The following EYA4 variants were observed in gnomAD, a reference collection of about 807,000 sequenced individuals.
The protein encoded by EYA4 is EYA transcriptional coactivator and phosphatase 4, also known as protein phosphatase EYA4.
Under a neutral mutation model 87.9 loss-of-function variants are expected in EYA4, and 31 were observed. The ratio of observed to expected loss-of-function variants is 0.35; its 90% CI spans 0.27 to 0.48. The LOEUF is 0.48. Ranked by LOEUF, EYA4 falls within the 20% of genes least tolerant of loss-of-function variation. The probability of loss-of-function intolerance (pLI) is 0.99; values close to 1 mark genes in which losing one functional copy is unlikely to be tolerated. For synonymous variants in EYA4, 263 were observed against 270.6 expected, an observed-to-expected ratio of 0.97 and a Z score of 0.28; for missense variants, 678 against 761.4, an observed-to-expected ratio of 0.89 and a Z score of 1.29.
chr6:133,496,843 GT>G (rs1268221854), intron 13 of EYA4, among the ~76,000 whole-genome samples: 2 of 152,174 alleles, frequency 1.3e-5, no homozygotes, highest in Non-Finnish European at 2.9e-5. Flanking sequence ...AAAGGCAGAT[GT>G]TTTCAGACCT....
chr6:133,275,374 T>C (rs1777077718), intron 2 of EYA4, among the ~76,000 whole-genome samples: 1 of 152,142 alleles, frequency 6.6e-6, no homozygotes, highest in South Asian at 2.1e-4. Flanking sequence ...TCTGTGACAG[T>C]AGTTCTTTAG....
At chr6:133,242,987 G>T (rs532126627) in intron 1 of EYA4, among the ~76,000 whole-genome samples, 1 of 152,298 alleles carries the variant, frequency 6.6e-6, no homozygotes, top group South Asian at 2.1e-4. Flanking sequence ...TAACCTGAGG[G>T]CAGGGGAGGA....
At chr6:133,488,981 C>G (rs923130308) in intron 13 of EYA4, among the ~76,000 whole-genome samples, 3 of 152,112 alleles carry the variant, frequency 2.0e-5, no homozygotes, top group Non-Finnish European at 2.9e-5. Context: ...TTCAAAATAG[C>G]TTTTTTGAGG....
chr6:133,451,142 A>G (rs1274192294), intron 5 of EYA4, among the ~76,000 whole-genome samples: 1 of 152,236 alleles, frequency 6.6e-6, no homozygotes, highest in Non-Finnish European at 1.5e-5. Context: ...AAGCAGCCAT[A>G]TACAATACCT....
chr6:133,524,154 G>A (rs1800424877), intron 18 of EYA4, among the ~76,000 whole-genome samples: 2 of 152,120 alleles, frequency 1.3e-5, no homozygotes, highest in Non-Finnish European at 2.9e-5. Flanking sequence ...CTAAATGTGT[G>A]TATTTATGTC....
rs200309400 is a variant in EYA4, at chr6:133,512,777, A to G, written c.1338A>G (p.Leu446=). 40 of 1,612,924 alleles carry G rather than the reference A, an allele frequency of 2.5e-5. No individual in the cohort carries two copies. The highest frequency in any genetic ancestry group is 3.2e-5 in the Non-Finnish European group (38 of 1,178,848). The change falls in exon 15 of 20, where the codon TTA becomes TTG. Residue 446 remains leucine (L), a splice_region_variant and synonymous_variant. Transcript: ENST00000355286. Reference sequence around the variant, plus strand: ...CCTCTGATGATAATGGGCAGGACTTAAGGTAAGCTATGCCTTTCAGTATGC... The same window carrying G: ...CCTCTGATGATAATGGGCAGGACTTGAGGTAAGCTATGCCTTTCAGTATGC... ...DVSSDDNGQD[L]STYSFATDGF... is the part of the protein sequence containing the mutation.
chr6:133,396,864 C>T (rs912619089), intron 3 of EYA4, among the ~76,000 whole-genome samples: 3 of 152,140 alleles, frequency 2.0e-5, no homozygotes, highest in Non-Finnish European at 2.9e-5. Context: ...TGCCTTCTTC[C>T]AGATCTCAGT....
At chr6:133,456,038 T>C (rs1010907469) in intron 5 of EYA4, among the ~76,000 whole-genome samples, 2 of 152,198 alleles carry the variant, frequency 1.3e-5, no homozygotes, top group Non-Finnish European at 2.9e-5. Flanking sequence ...CAACACCTTA[T>C]AGCTCGTGAG....
rs553570769 is a variant in EYA4 at position 133,530,155 on chromosome 6, G to A, written c.*1350G>A. 3.0e-4 allele frequency: 295 copies of A among 985,348 alleles called. 1 individual carries two copies. In the South Asian group the frequency reaches 7.6e-3, roughly 25 times the overall value. The allele number at this position is 985,348 out of a possible 1,614,324, so 61.0% of individuals were successfully genotyped here. Reference sequence around the variant, plus strand: ...CATAAATTAAATTAGCAAGTGCGCTGGATCTTGGCAGCGCTGCTGAAATGA... The same window carrying A: ...CATAAATTAAATTAGCAAGTGCGCTAGATCTTGGCAGCGCTGCTGAAATGA... On this transcript the variant is annotated 3_prime_UTR_variant, in exon 20 of 20. Transcript: ENST00000355286.
At chr6:133,511,456 G>T (rs1357246226) in intron 14 of EYA4, among the ~76,000 whole-genome samples, 1 of 151,394 alleles carries the variant, frequency 6.6e-6, no homozygotes. Context: ...ATATGATGTA[G>T]TTATTTATTA....
At chr6:133,509,242 A>G (rs1177823346) in intron 14 of EYA4, among the ~76,000 whole-genome samples, 1 of 151,918 alleles carries the variant, frequency 6.6e-6, no homozygotes, top group Admixed American at 6.6e-5. Context: ...ATTTCAATAA[A>G]CCTCTTACAG....
At chr6:133,380,863 C>T (rs546912163) in intron 2 of EYA4, among the ~76,000 whole-genome samples, 2 of 144,478 alleles carry the variant, frequency 1.4e-5, no homozygotes, top group South Asian at 2.2e-4. Flanking sequence ...GTTCCTCTTC[C>T]TCCTCCTCCT....
At position 133,510,807 on chromosome 6, in the gene EYA4, C is replaced by T. The variant is rs180706616; in HGVS notation, c.1282-1914C>T. On this transcript the variant is annotated intron_variant, in intron 14 of 19. Coordinates refer to ENST00000355286, the MANE Select transcript of EYA4 (RefSeq NM_004100.5). ...ATGCTTTTATTTTATATCATCGTAA[C>T]CTTGTGTTAGAAAATTTAAATGATT... 431 of 154,308 alleles carry T rather than the reference C, an allele frequency of 2.8e-3. 1 individual carries two copies. The highest frequency in any genetic ancestry group is 4.9e-3 in the Non-Finnish European group (337 of 69,464). The allele number at this position is 154,308 out of a possible 1,614,324, so 9.6% of individuals were successfully genotyped here.
chr6:133,261,127 C>G (rs7751520), intron 1 of EYA4, among the ~76,000 whole-genome samples: 6,240 of 149,790 alleles, frequency 0.042, 388 homozygotes, highest in African/African-American at 0.14. Context: ...GGCCTTTTTC[C>G]ACCCCATGTC....
At position 133,476,508 on chromosome 6, in the gene EYA4, G is replaced by C. The variant is rs1038711556; in HGVS notation, c.971-4955G>C. ...ATATAAATGAGGTCATGTAGTATTT[G>C]TCTTTCTGTGCTTAGCTTATTTCAC... is the stretch of plus-strand genomic sequence containing the variant. On this transcript the variant is annotated intron_variant, in intron 11 of 19. Coordinates refer to ENST00000355286, the MANE Select transcript of EYA4 (RefSeq NM_004100.5). Among the ~76,000 whole-genome samples, 10 of 152,154 alleles carry C rather than the reference G, an allele frequency of 6.6e-5. No homozygotes were observed. In the East Asian group the frequency reaches 1.9e-3, roughly 29 times the overall value.
intron 3 of EYA4, among the ~76,000 whole-genome samples, chr6:133,407,123 G>T (rs538065385): frequency 5.3e-5 from 8 of 152,020 alleles, no homozygotes; most frequent in Admixed American, 4.6e-4. Context: ...TTTTTAATTT[G>T]GGAAAGGTCT....
intron 19 of EYA4, among the ~76,000 whole-genome samples, chr6:133,528,131 T>C (rs1276711362): frequency 1.3e-5 from 2 of 152,214 alleles, no homozygotes; most frequent in African/African-American, 4.8e-5. Context: ...CTCTCAATTC[T>C]ACGCCAGTGA....
chr6:133,298,513 T>A (rs1475763906), intron 2 of EYA4, among the ~76,000 whole-genome samples: 1 of 152,156 alleles, frequency 6.6e-6, no homozygotes, highest in Non-Finnish European at 1.5e-5. Context: ...CAACTGAGAG[T>A]TTATTTTCTC....
chr6:133,437,960 A>C (rs1036068440), intron 3 of EYA4, among the ~76,000 whole-genome samples: 1 of 152,194 alleles, frequency 6.6e-6, no homozygotes. Flanking sequence ...TATCACATAC[A>C]ATATATACAC....
Sources: allele counts gnomAD v4.1 joint callset (sites outside exome capture counted in the v4.1 genomes callset), GRCh38; gene constraint gnomAD v4.1.1; transcripts MANE v1.5; gene names NCBI Gene and HGNC (gene_info 2026-07-23, HGNC 2026-07-21).